ELP3: variants seen among roughly 807,000 people sequenced by gnomAD.
ELP3 encodes the protein elongator complex protein 3.
In ELP3, 56 loss-of-function variants were observed where a neutral mutation model predicts 74.9. That is an observed-to-expected ratio of 0.75 (90% CI 0.60 to 0.93). ELP3 has a LOEUF of 0.93. Ranked by LOEUF, ELP3 falls within the 40% of genes least tolerant of loss-of-function variation. ELP3 has a pLI of 0.00. For missense variants in ELP3, 573 were observed against 686.5 expected, an observed-to-expected ratio of 0.83 and a Z score of 1.85; for synonymous variants, 222 against 239.8, an observed-to-expected ratio of 0.93 and a Z score of 0.68.
intron 14 of ELP3, among the ~76,000 whole-genome samples, chr8:28,180,392 A>G (rs572957469): frequency 1.7e-4 from 26 of 152,362 alleles, no homozygotes; most frequent in African/African-American, 6.3e-4. Flanking sequence ...CTGATCTGCT[A>G]GACCCATCCA....
chr8:28,108,904 G>A (rs1315115384), intron 5 of ELP3, among the ~76,000 whole-genome samples: 1 of 152,190 alleles, frequency 6.6e-6, no homozygotes, highest in East Asian at 1.9e-4. Context: ...AAGGGATTCT[G>A]TGAAGTGAGA....
At chr8:28,173,511 C>T (rs1453394705) in intron 14 of ELP3, among the ~76,000 whole-genome samples, 1 of 151,164 alleles carries the variant, frequency 6.6e-6, no homozygotes, top group Non-Finnish European at 1.5e-5. Flanking sequence ...CTAAGGTAAA[C>T]ATTGCTAGTT....
chr8:28,160,142 AT>A, intron 12 of ELP3, 86 bp from the exon 13 acceptor site: 3 of 1,207,870 alleles, frequency 2.5e-6, no homozygotes, highest in Non-Finnish European at 2.3e-6. Context: ...CTAACTAGAT[AT>A]TAACCTAAAT....
In ELP3 at chr8:28,189,797, T is replaced by A; in HGVS notation, c.*72T>A. 6.6e-7 allele frequency: 1 copy of A among 1,506,266 alleles called. No homozygotes were observed. Among genetic ancestry groups the A allele is most frequent in the Non-Finnish European group, 9.2e-7 (1 of 1,083,884 alleles). The allele number at this position is 1,506,266 out of a possible 1,614,324, so 93.3% of individuals were successfully genotyped here. On this transcript the variant is annotated 3_prime_UTR_variant, in exon 15 of 15. Coordinates refer to ENST00000256398, the MANE Select transcript of ELP3 (RefSeq NM_018091.6). ...CGGAGAATCAGGATTTCTTAAATACTCAACAGAGAGGCTGAGCAGAGCAAA... is the reference window on the plus strand; with the variant it reads ...CGGAGAATCAGGATTTCTTAAATACACAACAGAGAGGCTGAGCAGAGCAAA...
Position 28,097,223 on chromosome 8 carries a change from T to C in ELP3, c.24T>C (p.Asp8=). The C allele has an allele frequency of 6.3e-7, 1 of 1,599,060 alleles. No individual in the cohort carries two copies. Among genetic ancestry groups the C allele is most frequent in the Non-Finnish European group, 8.5e-7 (1 of 1,172,476 alleles). Residue 8 remains aspartate, a synonymous_variant, in exon 2 of 15, where the codon GAT becomes GAC. Coordinates refer to ENST00000256398, the MANE Select transcript of ELP3 (RefSeq NM_018091.6). MRQKRKG[D]LSPAELMMLT... ...TGTTGAATATTAACTTTCCAGGAGA[T>C]CTCAGCCCTGCTGAGCTGATGATGC... is the stretch of plus-strand genomic sequence containing the variant.
At chr8:28,117,137 G>T (rs1364040819) in intron 7 of ELP3, among the ~76,000 whole-genome samples, 1 of 152,010 alleles carries the variant, frequency 6.6e-6, no homozygotes, top group Non-Finnish European at 1.5e-5. Context: ...AAATATCTTA[G>T]ACTTGCCTCT....
intron 14 of ELP3, among the ~76,000 whole-genome samples, chr8:28,184,526 G>C (rs1815156298): frequency 6.6e-6 from 1 of 152,288 alleles, no homozygotes; most frequent in South Asian, 2.1e-4. Flanking sequence ...ATGTACCCCA[G>C]TAAAGCAGCT....
intron 9 of ELP3, among the ~76,000 whole-genome samples, chr8:28,133,024 A>G (rs1812839931): frequency 6.6e-6 from 1 of 152,278 alleles, no homozygotes; most frequent in African/African-American, 2.4e-5. Context: ...GCAGAGAGTT[A>G]TAACAATTTA....
chr8:28,090,475 ATGGG>A (rs201756860), upstream of ELP3: 2,803 of 234,688 alleles, frequency 0.012, 116 homozygotes, highest in South Asian at 0.025. Flanking sequence ...CCATAGTCTG[ATGGG>A]TGGGTGTGTG....
chr8:28,120,270 G>A lies in ELP3; in HGVS notation c.617+7097G>A, dbSNP rs1812316978. 2.6e-5 allele frequency among the ~76,000 whole-genome samples: 4 copies of A among 152,098 alleles called. No homozygotes were observed. In the South Asian group the frequency reaches 8.3e-4, roughly 32 times the overall value. On this transcript the variant is annotated intron_variant, in intron 7 of 14. Transcript: ENST00000256398. ...GGTGTAGTCACTCTTTTTAATTTTA[G>A]CCATTCTAGTGGGCGTATAATGGTA...
At chr8:28,183,857 C>G (rs1054073038) in intron 14 of ELP3, among the ~76,000 whole-genome samples, 12 of 152,226 alleles carry the variant, frequency 7.9e-5, no homozygotes, top group African/African-American at 2.2e-4. Flanking sequence ...CACTTGGTTC[C>G]TTGTACAGCC....
chr8:28,170,900 C>G (rs1391105951), intron 14 of ELP3, among the ~76,000 whole-genome samples: 1 of 152,082 alleles, frequency 6.6e-6, no homozygotes, highest in African/African-American at 2.4e-5. Flanking sequence ...GCACAGTCCT[C>G]TAATCTATTT....
rs1811715427 is a variant in ELP3 at position 28,106,790 on chromosome 8, AT to A, written c.329+8del. On this transcript the variant is annotated splice_region_variant and intron_variant, in intron 4 of 14. Coordinates refer to ENST00000256398, the MANE Select transcript of ELP3 (RefSeq NM_018091.6). Reference sequence around the variant, plus strand: ...TTACAGGAAATATATGTGTGTAAGTATGGTGATTTTATTAAATTGTATGTAT... The same window carrying A: ...TTACAGGAAATATATGTGTGTAAGTAGGTGATTTTATTAAATTGTATGTAT... 2 of 1,609,072 alleles carry A rather than the reference AT, an allele frequency of 1.2e-6. No individual in the cohort carries two copies. Among genetic ancestry groups the A allele is most frequent in the Admixed American group, 1.7e-5 (1 of 59,948 alleles).
upstream of ELP3, among the ~76,000 whole-genome samples, chr8:28,090,599 G>A (rs943710716): frequency 7.9e-5 from 12 of 151,534 alleles, no homozygotes; most frequent in Non-Finnish European, 8.8e-5. Flanking sequence ...GATAAAGGTC[G>A]TTTACCCTTA....
chr8:28,158,669 G>C (rs759779087), intron 12 of ELP3, 36 bp downstream of exon 12: 1 of 1,560,070 alleles, frequency 6.4e-7, no homozygotes, highest in Admixed American at 1.7e-5. Context: ...CCTAGGTACT[G>C]TCCTTAGATC....
chr8:28,113,842 G>T (rs966112823), intron 7 of ELP3: 1 of 152,126 alleles, frequency 6.6e-6, no homozygotes, highest in Non-Finnish European at 1.5e-5. Context: ...CCTCTCAGAG[G>T]TCCCACCTGT....
chr8:28,169,715 T>C (rs1814444243), intron 14 of ELP3, among the ~76,000 whole-genome samples: 1 of 152,126 alleles, frequency 6.6e-6, no homozygotes, highest in South Asian at 2.1e-4. Flanking sequence ...AATATGAGAG[T>C]GACTGAGCTG....
intron 13 of ELP3, among the ~76,000 whole-genome samples, chr8:28,161,311 C>T (rs1440393404): frequency 6.6e-6 from 1 of 152,110 alleles, no homozygotes; most frequent in Non-Finnish European, 1.5e-5. Context: ...TGGTGGCTCA[C>T]GCCTGTAATT....
intron 14 of ELP3, among the ~76,000 whole-genome samples, chr8:28,163,734 C>G (rs949059480): frequency 1.3e-5 from 2 of 152,202 alleles, no homozygotes; most frequent in African/African-American, 4.8e-5. Flanking sequence ...GCACATGTGT[C>G]TGTGTAGAGT....
Sources: gnomAD v4.1 joint callset for allele counts (sites outside exome capture counted in the v4.1 genomes callset) on GRCh38, gnomAD v4.1.1 for gene constraint, MANE v1.5 for transcripts, NCBI Gene and HGNC (gene_info 2026-07-23, HGNC 2026-07-21) for gene names.